Variants in AKAP13 observed in about 807,000 individuals in gnomAD.
AKAP13 encodes A-kinase anchor protein 13.
Under a neutral mutation model 264.5 loss-of-function variants are expected in AKAP13, and 80 were observed. That is an observed-to-expected ratio of 0.30 (90% CI 0.25 to 0.36). The LOEUF (loss-of-function observed/expected upper bound fraction) is 0.36. AKAP13 is among the 10% of genes least tolerant of loss of function. AKAP13 has a pLI of 1.00. For missense variants in AKAP13, 3,712 were observed against 3,435.2 expected (o/e 1.08, Z -2.01); for synonymous variants, 1,380 against 1,250.2 (o/e 1.10, Z -2.19).
At chr15:85,675,330 C>T (rs947473805) in intron 14 of AKAP13, among the ~76,000 whole-genome samples, 13 of 152,204 alleles carry the variant, frequency 8.5e-5, no homozygotes, top group African/African-American at 3.1e-4. Context: ...ACCAACATTT[C>T]TTTGATCTGT....
chr15:85,575,565 G>T (rs1320591783), intron 6 of AKAP13, among the ~76,000 whole-genome samples: 1 of 152,208 alleles, frequency 6.6e-6, no homozygotes, highest in Non-Finnish European at 1.5e-5. Context: ...GGTGGCGGGC[G>T]CCTGTAGTCC....
chr15:85,536,542 T>C (rs2077404143), intron 4 of AKAP13: 1 of 152,224 alleles, frequency 6.6e-6, no homozygotes, highest in Non-Finnish European at 1.5e-5. Context: ...AGTAATGTTA[T>C]TCATAATCTT....
At chr15:85,547,716 T>C (rs1262295250) in intron 5 of AKAP13, among the ~76,000 whole-genome samples, 4 of 152,212 alleles carry the variant, frequency 2.6e-5, no homozygotes, top group Non-Finnish European at 2.9e-5. Flanking sequence ...CTTAAATACA[T>C]TGTATTTAAG....
chr15:85,713,311 C>T (rs1221898980), intron 19 of AKAP13, among the ~76,000 whole-genome samples: 2 of 152,186 alleles, frequency 1.3e-5, no homozygotes, highest in Non-Finnish European at 2.9e-5. Context: ...TCATCTTCTA[C>T]TCTGTGTCTC....
At chr15:85,456,954 GAC>G (rs1254545107) in intron 1 of AKAP13, among the ~76,000 whole-genome samples, 1 of 152,104 alleles carries the variant, frequency 6.6e-6, no homozygotes, top group Non-Finnish European at 1.5e-5. Context: ...TAACAGTAAT[GAC>G]TATAGTTTAT....
intron 1 of AKAP13, among the ~76,000 whole-genome samples, chr15:85,448,393 C>T (rs911590898): frequency 1.3e-5 from 2 of 151,978 alleles, no homozygotes; most frequent in African/African-American, 4.8e-5. Context: ...TCAATTTTTC[C>T]TTTTTTTCGT....
intron 17 of AKAP13, among the ~76,000 whole-genome samples, chr15:85,697,873 G>T (rs971732825): frequency 6.6e-6 from 1 of 152,138 alleles, no homozygotes; most frequent in South Asian, 2.1e-4. Context: ...ATAAATAATT[G>T]TACCCTTAAG....
intron 19 of AKAP13, among the ~76,000 whole-genome samples, chr15:85,712,243 C>T (rs1430613840): frequency 6.6e-6 from 1 of 152,134 alleles, no homozygotes; most frequent in Admixed American, 6.5e-5. Flanking sequence ...TCCTGAATGG[C>T]TATACTAGTC....
intron 14 of AKAP13, among the ~76,000 whole-genome samples, chr15:85,678,982 G>C (rs1387519519): frequency 2.0e-5 from 3 of 151,928 alleles, no homozygotes; most frequent in Non-Finnish European, 2.9e-5. Context: ...GCTCATGCCT[G>C]TAATCCCAGC....
At chr15:85,628,217 A>G (rs1180327303) in intron 8 of AKAP13, among the ~76,000 whole-genome samples, 1 of 152,182 alleles carries the variant, frequency 6.6e-6, no homozygotes, top group Non-Finnish European at 1.5e-5. Flanking sequence ...TTAAAATTAT[A>G]CTTATAAACC....
intron 29 of AKAP13, among the ~76,000 whole-genome samples, chr15:85,730,085 C>T (rs902490086): frequency 6.6e-6 from 1 of 152,024 alleles, no homozygotes; most frequent in Non-Finnish European, 1.5e-5. Flanking sequence ...GAACTGGTGT[C>T]CTAAAAGCTA....
intron 3 of AKAP13, among the ~76,000 whole-genome samples, chr15:85,525,696 T>G (rs2077014251): frequency 6.6e-6 from 1 of 152,230 alleles, no homozygotes; most frequent in Admixed American, 6.5e-5. Context: ...AATGACATTT[T>G]AATTAACTAG....
intron 1 of AKAP13, among the ~76,000 whole-genome samples, chr15:85,388,375 C>G (rs761932034): frequency 1.2e-4 from 19 of 152,256 alleles, no homozygotes; most frequent in Admixed American, 3.9e-4. Context: ...GCTGAACTAT[C>G]TAGGACCCTC....
intron 14 of AKAP13, among the ~76,000 whole-genome samples, chr15:85,676,676 A>T (rs2084247154): frequency 6.6e-6 from 1 of 152,190 alleles, no homozygotes; most frequent in East Asian, 1.9e-4. Flanking sequence ...CCTGAGGAAC[A>T]TCACTACTAG....
At chr15:85,413,057 T>C (rs899695769) in intron 1 of AKAP13, among the ~76,000 whole-genome samples, 2 of 152,216 alleles carry the variant, frequency 1.3e-5, no homozygotes, top group African/African-American at 4.8e-5. Flanking sequence ...GCGCTTTTCA[T>C]CAGGATGTTC....
rs1451961988 is a variant in AKAP13 at position 85,664,718 on chromosome 15, A to T, written c.4955A>T (p.Glu1652Val). ...SLVSLSEEDLESDQREHRMFD... is the reference protein window; with the variant it reads ...SLVSLSEEDLVSDQREHRMFD... ...GTGTCACTTTCAGAAGAGGATCTGG[A>T]GTCAGACCAGAGAGAACATAGGATG... The change falls in exon 13 of 37, where the codon GAG (glutamate) becomes GTG (valine). Residue 1652 changes from glutamate to valine, a missense_variant. This residue lies in a region of AKAP13 where 2,759 missense variants were observed against 2,411.7 expected (regional missense o/e 1.14). Transcript: ENST00000394518. 2 of 1,613,950 alleles carry T rather than the reference A, an allele frequency of 1.2e-6. No individual in the cohort carries two copies. Among genetic ancestry groups the T allele is most frequent in the African/African-American group, 2.7e-5 (2 of 74,928 alleles).
chr15:85,483,213 G>A (rs975631940), intron 1 of AKAP13, among the ~76,000 whole-genome samples: 8 of 152,316 alleles, frequency 5.3e-5, no homozygotes, highest in Admixed American at 1.3e-4. Context: ...TCAGAGGGCT[G>A]CTAAGTCACT....
At chr15:85,603,297 C>T (rs1316213470) in intron 8 of AKAP13, among the ~76,000 whole-genome samples, 1 of 152,206 alleles carries the variant, frequency 6.6e-6, no homozygotes, top group Non-Finnish European at 1.5e-5. Context: ...AAGGTGTGTA[C>T]TCAGAGTATG....
At chr15:85,556,602 G>T (rs1462410339) in intron 5 of AKAP13, among the ~76,000 whole-genome samples, 1 of 152,152 alleles carries the variant, frequency 6.6e-6, no homozygotes, top group Non-Finnish European at 1.5e-5. Context: ...ACAAAGCTCT[G>T]TGAAATCTGA....
Sources: allele counts gnomAD v4.1 joint callset (sites outside exome capture counted in the v4.1 genomes callset), GRCh38; gene constraint gnomAD v4.1.1; regional missense constraint gnomAD v4.1.1; transcripts MANE v1.5; gene names NCBI Gene and HGNC (gene_info 2026-07-23, HGNC 2026-07-21).